NCOA7: variants seen among roughly 807,000 people sequenced by gnomAD.
NCOA7 encodes the protein 140 kDa estrogen receptor-associated protein.
NCOA7 carries 45 observed loss-of-function variants against 104.3 expected under a neutral mutation model. The ratio of observed to expected loss-of-function variants is 0.43; its 90% CI spans 0.34 to 0.55. The LOEUF (loss-of-function observed/expected upper bound fraction) is 0.55, where lower values mean the gene tolerates loss of function less well. Ranked by LOEUF, NCOA7 falls within the 20% of genes least tolerant of loss-of-function variation. The pLI, the probability that NCOA7 is intolerant of heterozygous loss-of-function variation, is 0.02. For missense variants in NCOA7, 1,041 were observed against 1,119.7 expected, an observed-to-expected ratio of 0.93 and a Z score of 1.00; for synonymous variants, 398 against 402.3, an observed-to-expected ratio of 0.99 and a Z score of 0.13.
chr6:125,815,323 T>C lies in NCOA7; in HGVS notation c.-32T>C, dbSNP rs746713784. On this transcript the variant is annotated 5_prime_UTR_variant, in exon 2 of 16. Coordinates refer to ENST00000392477, the MANE Select transcript of NCOA7 (RefSeq NM_181782.5). ...ACTCACTGATTAAAAAGAGGGACTT[T>C]TTCAAATACTTTGCACTTTTGATTG... 2.6e-6 allele frequency: 4 copies of C among 1,565,962 alleles called. No individual in the cohort carries two copies. Among genetic ancestry groups the C allele is most frequent in the Non-Finnish European group, 3.5e-6 (4 of 1,150,658 alleles).
chr6:125,783,170 T>C (rs1314564022), intron 1 of NCOA7, among the ~76,000 whole-genome samples: 1 of 152,210 alleles, frequency 6.6e-6, no homozygotes, highest in Non-Finnish European at 1.5e-5. Context: ...AACTGTAAGA[T>C]AATAAATTTG....
rs1332427011 is a variant in NCOA7 at position 125,888,929 on chromosome 6, C to A, written c.885-10C>A. On this transcript the variant is annotated splice_polypyrimidine_tract_variant and intron_variant, in intron 8 of 15. Coordinates refer to ENST00000392477, the MANE Select transcript of NCOA7 (RefSeq NM_181782.5). ...CATTCCATGTGCACCCACCATTTCTCCCCCAACAGTGACCTACCTCAGGAT... is the reference window on the plus strand; with the variant it reads ...CATTCCATGTGCACCCACCATTTCTACCCCAACAGTGACCTACCTCAGGAT... 1.3e-6 allele frequency: 2 copies of A among 1,577,862 alleles called. No homozygotes were observed. Among genetic ancestry groups the A allele is most frequent in the South Asian group, 1.2e-5 (1 of 85,874 alleles).
intron 10 of NCOA7, among the ~76,000 whole-genome samples, 188 bp downstream of exon 10, chr6:125,890,998 A>G (rs1018392354): frequency 3.3e-5 from 5 of 152,238 alleles, no homozygotes; most frequent in Non-Finnish European, 5.9e-5. Context: ...TATAACAAAT[A>G]TGGAGTCATC....
chr6:125,901,505 C>G (rs1583499569), intron 10 of NCOA7, among the ~76,000 whole-genome samples: 1 of 152,296 alleles, frequency 6.6e-6, no homozygotes, highest in Middle Eastern at 3.4e-3. Context: ...AAACCCCTTG[C>G]AGGAGGGGGA....
In NCOA7 at chr6:125,928,323, A is replaced by G. The variant is rs796980224; in HGVS notation, c.2693+76A>G. 5 of 1,315,974 alleles carry G rather than the reference A, an allele frequency of 3.8e-6. No homozygotes were observed. The African/African-American group carries it at 7.4e-5, about 20-fold the overall frequency. 81.5% of individuals were successfully genotyped at this position (1,315,974 alleles called of 1,614,324 possible). A position where few individuals can be genotyped will look rare whatever the true frequency, so the allele number is the denominator to read the frequency against. Reference sequence around the variant, plus strand: ...TGAGTGGGTCTGTTTTGACCTACGTAGTTAAAACTTCGGTGTCAGGTTATT... The same window carrying G: ...TGAGTGGGTCTGTTTTGACCTACGTGGTTAAAACTTCGGTGTCAGGTTATT... On this transcript the variant is annotated intron_variant, in intron 15 of 15. Coordinates refer to ENST00000392477, the MANE Select transcript of NCOA7 (RefSeq NM_181782.5).
intron 3 of NCOA7, among the ~76,000 whole-genome samples, chr6:125,858,083 G>T (rs1356737319): frequency 6.6e-6 from 1 of 151,916 alleles, no homozygotes; most frequent in Non-Finnish European, 1.5e-5. Context: ...TCCCTGTCCA[G>T]GTTAGACTTC....
At chr6:125,790,460 G>T (rs886405396), upstream of NCOA7, among the ~76,000 whole-genome samples, 5 of 152,218 alleles carry the variant, frequency 3.3e-5, no homozygotes, top group Non-Finnish European at 4.4e-5. Flanking sequence ...AAGGGCCGAG[G>T]CCTGCGGAGG....
chr6:125,827,253 T>G (rs1248595405), intron 2 of NCOA7, among the ~76,000 whole-genome samples: 1 of 150,992 alleles, frequency 6.6e-6, no homozygotes, highest in African/African-American at 2.4e-5. Flanking sequence ...CAAACTCACT[T>G]TTATAAAAAT....
At chr6:125,812,091 T>C (rs1038886362) in intron 1 of NCOA7, among the ~76,000 whole-genome samples, 1 of 152,192 alleles carries the variant, frequency 6.6e-6, no homozygotes, top group African/African-American at 2.4e-5. Flanking sequence ...GGTTGAAAGA[T>C]AAAAAGATAA....
chr6:125,817,687 C>T (rs1409937303), intron 2 of NCOA7, among the ~76,000 whole-genome samples: 1 of 152,098 alleles, frequency 6.6e-6, no homozygotes, highest in Non-Finnish European at 1.5e-5. Flanking sequence ...AATATTTTCT[C>T]CCGGACTGTA....
chr6:125,834,088 AT>A (rs67978281), intron 2 of NCOA7, among the ~76,000 whole-genome samples: 45,630 of 151,880 alleles, frequency 0.3, 8,139 homozygotes, highest in East Asian at 0.48. Flanking sequence ...ATCTTTAAAA[AT>A]AAGATGTACT....
chr6:125,795,770 C>T (rs895821815), intron 1 of NCOA7, among the ~76,000 whole-genome samples: 5 of 152,146 alleles, frequency 3.3e-5, no homozygotes, highest in Non-Finnish European at 7.4e-5. Context: ...AGATTCATCT[C>T]CTGTCTGTAT....
chr6:125,821,439 G>A (rs991367051), intron 2 of NCOA7, among the ~76,000 whole-genome samples: 5 of 152,068 alleles, frequency 3.3e-5, no homozygotes, highest in Admixed American at 6.5e-5. Flanking sequence ...TTGCAAAACG[G>A]GGCTTATAGA....
chr6:125,928,736 A>T lies in NCOA7; in HGVS notation c.2794A>T (p.Ile932Leu), dbSNP rs935706910. The T allele has an allele frequency of 6.2e-7, 1 of 1,613,644 alleles. No homozygotes were observed. Among genetic ancestry groups the T allele is most frequent in the African/African-American group, 1.3e-5 (1 of 74,868 alleles). The change falls in exon 16 of 16, where the codon ATA becomes TTA. Residue 932 changes from isoleucine to leucine, a missense_variant. Coordinates refer to ENST00000392477, the MANE Select transcript of NCOA7 (RefSeq NM_181782.5). ...TATTCTTTCCAAAAAGGAAGACTTC[A>T]TAGTTCAGGATCTGGAGGTGTGGGC... is the stretch of plus-strand genomic sequence containing the variant. ...NDILSKKEDF[I>L]VQDLEVWAFD
intron 1 of NCOA7, among the ~76,000 whole-genome samples, chr6:125,794,233 C>T (rs1026635290): frequency 2.6e-5 from 4 of 152,130 alleles, no homozygotes; most frequent in South Asian, 2.1e-4. Flanking sequence ...TTCCATTTAA[C>T]TTTAAATGCC....
rs531072609 is a variant in NCOA7 at position 125,863,716 on chromosome 6, G to A, written c.271+8476G>A. 3.6e-5 allele frequency among the ~76,000 whole-genome samples: 5 copies of A among 138,178 alleles called. 1 individual carries two copies. In the South Asian group the frequency reaches 1.1e-3, roughly 30 times the overall value. The allele number at this position is 138,178 out of a possible 152,430, so 90.7% of individuals were successfully genotyped here. ...GTATTTCTCACAGTTCTGGAGGCTG[G>A]AAAGTCCAAGATTAAGGCACTGGCA... On this transcript the variant is annotated intron_variant, in intron 3 of 15. Coordinates refer to ENST00000392477, the MANE Select transcript of NCOA7 (RefSeq NM_181782.5).
At chr6:125,838,418 C>T (rs535826049) in intron 2 of NCOA7, among the ~76,000 whole-genome samples, 1 of 151,926 alleles carries the variant, frequency 6.6e-6, no homozygotes, top group African/African-American at 2.4e-5. Flanking sequence ...TAAAGGTGTC[C>T]GACTCTCAGT....
At chr6:125,833,572 A>G (rs965886001) in intron 2 of NCOA7, among the ~76,000 whole-genome samples, 2 of 144,188 alleles carry the variant, frequency 1.4e-5, no homozygotes, top group African/African-American at 5.1e-5. Flanking sequence ...GATTCTGTCA[A>G]AAGAAAAGGA....
intron 10 of NCOA7, among the ~76,000 whole-genome samples, chr6:125,914,095 T>C (rs1786828944): frequency 6.6e-6 from 1 of 152,234 alleles, no homozygotes; most frequent in African/African-American, 2.4e-5. Context: ...AGTAATCCCT[T>C]TTCTGGGAAC....
Sources: allele counts gnomAD v4.1 joint callset (sites outside exome capture counted in the v4.1 genomes callset), GRCh38; gene constraint gnomAD v4.1.1; transcripts MANE v1.5; gene names NCBI Gene and HGNC (gene_info 2026-07-23, HGNC 2026-07-21).